RBM6: variants seen among roughly 807,000 people sequenced by gnomAD.
RBM6 encodes RNA binding motif protein 6.
Under a neutral mutation model 140.4 loss-of-function variants are expected in RBM6, and 23 were observed. That is an observed-to-expected ratio of 0.16 (90% CI 0.12 to 0.23). The LOEUF (loss-of-function observed/expected upper bound fraction) is 0.23. Among genes scored for constraint, RBM6 ranks in the 10% least tolerant of loss-of-function variants. The pLI, the probability that RBM6 is intolerant of heterozygous loss-of-function variation, is 1.00. For missense variants in RBM6, 1,139 were observed against 1,386.7 expected (o/e 0.82, Z 2.84); for synonymous variants, 439 against 475.6 (o/e 0.92, Z 1.00).
At chr3:50,028,808 T>C (rs949787558) in intron 6 of RBM6, among the ~76,000 whole-genome samples, 8 of 152,208 alleles carry the variant, frequency 5.3e-5, no homozygotes, top group South Asian at 4.1e-4. Flanking sequence ...TTAACACATA[T>C]TGCATAAAGT....
chr3:50,056,376 G>A (rs978459024), intron 8 of RBM6, among the ~76,000 whole-genome samples: 2 of 151,594 alleles, frequency 1.3e-5, no homozygotes, highest in African/African-American at 4.8e-5. Context: ...CTCACTGCAA[G>A]CTCTGCCTCC....
intron 17 of RBM6, among the ~76,000 whole-genome samples, 158 bp from the exon 18 acceptor site, chr3:50,068,532 C>T (rs923063206): frequency 6.6e-6 from 1 of 152,144 alleles, no homozygotes; most frequent in Non-Finnish European, 1.5e-5. Flanking sequence ...ATGACAAGAC[C>T]AGTTAGGGAT....
chr3:49,951,417 A>G (rs2083723908), intron 1 of RBM6, among the ~76,000 whole-genome samples: 1 of 151,712 alleles, frequency 6.6e-6, no homozygotes, highest in Non-Finnish European at 1.5e-5. Context: ...GTGTGGAGAC[A>G]AGGTTTTGCC....
At chr3:50,021,503 G>T (rs1326544802) in intron 6 of RBM6, among the ~76,000 whole-genome samples, 1 of 152,016 alleles carries the variant, frequency 6.6e-6, no homozygotes. Flanking sequence ...AGCTGGGTGT[G>T]GTGGCACACG....
intron 1 of RBM6, among the ~76,000 whole-genome samples, chr3:49,948,179 C>A (rs1361062035): frequency 6.6e-6 from 1 of 152,130 alleles, no homozygotes; most frequent in African/African-American, 2.4e-5. Flanking sequence ...TTATGTCTAT[C>A]TTTATGTCCT....
intron 2 of RBM6, among the ~76,000 whole-genome samples, chr3:49,965,990 G>A (rs1257235556): frequency 1.3e-5 from 2 of 152,120 alleles, no homozygotes; most frequent in Non-Finnish European, 2.9e-5. Flanking sequence ...GCTGGGCATG[G>A]TGGCGCATGC....
intron 5 of RBM6, among the ~76,000 whole-genome samples, chr3:49,993,567 G>A (rs11923132): frequency 0.07 from 10,633 of 152,100 alleles, 388 homozygotes; most frequent in Non-Finnish European, 0.077. Flanking sequence ...GCTTGAACCT[G>A]GTAGGCGGTA....
chr3:50,051,026 T>A (rs1400259341), intron 7 of RBM6, among the ~76,000 whole-genome samples: 7 of 151,900 alleles, frequency 4.6e-5, no homozygotes, highest in Admixed American at 4.6e-4. Flanking sequence ...TTCTTGAGAG[T>A]ATCCTTTCTA....
At chr3:50,061,584 T>TTTA (rs1553670222) in intron 14 of RBM6, 37 bp downstream of exon 14, 11 of 1,283,184 alleles carry the variant, frequency 8.6e-6, no homozygotes, top group Admixed American at 2.5e-5. Flanking sequence ...TTTTTTTTTT[T>TTTA]ACCTCTGTCA....
At chr3:50,017,938 G>A (rs1421989342) in intron 6 of RBM6, among the ~76,000 whole-genome samples, 1 of 152,100 alleles carries the variant, frequency 6.6e-6, no homozygotes, top group African/African-American at 2.4e-5. Context: ...AACAGTTCCT[G>A]TATAGTTATC....
intron 6 of RBM6, among the ~76,000 whole-genome samples, chr3:50,025,980 G>C (rs1327440232): frequency 1.3e-5 from 2 of 152,148 alleles, no homozygotes; most frequent in Non-Finnish European, 1.5e-5. Context: ...TGTAATCCCA[G>C]CTACTCAGGA....
At chr3:49,958,964 T>A (rs2084148325) in intron 1 of RBM6, among the ~76,000 whole-genome samples, 1 of 151,384 alleles carries the variant, frequency 6.6e-6, no homozygotes, top group South Asian at 2.1e-4. Flanking sequence ...CCTGGCTAAT[T>A]TTTGTATTTT....
At chr3:50,011,997 T>C (rs2086872368) in intron 6 of RBM6, among the ~76,000 whole-genome samples, 3 of 151,674 alleles carry the variant, frequency 2.0e-5, no homozygotes, top group African/African-American at 7.3e-5. Context: ...AACTATAAGT[T>C]GGAACCATCG....
chr3:50,008,269 T>C (rs2086677693), intron 6 of RBM6, among the ~76,000 whole-genome samples: 1 of 152,186 alleles, frequency 6.6e-6, no homozygotes, highest in Non-Finnish European at 1.5e-5. Context: ...CTACAATGGG[T>C]TTATAATTAT....
chr3:50,048,403 A>T (rs1326864218), intron 7 of RBM6, 84 bp downstream of exon 7: 2 of 1,542,168 alleles, frequency 1.3e-6, no homozygotes, highest in African/African-American at 2.7e-5. Flanking sequence ...GCCTGCTAAC[A>T]TGCATTCCCA....
intron 6 of RBM6, among the ~76,000 whole-genome samples, chr3:50,032,877 C>G (rs1359675013): frequency 6.6e-6 from 1 of 151,012 alleles, no homozygotes; most frequent in Admixed American, 6.6e-5. Flanking sequence ...TCCAGCTATT[C>G]GGGAGGCTGA....
chr3:49,957,613 T>C (rs1289312432), intron 1 of RBM6, among the ~76,000 whole-genome samples: 1 of 152,212 alleles, frequency 6.6e-6, no homozygotes, highest in Non-Finnish European at 1.5e-5. Context: ...TTCCATAGTA[T>C]ACAAATCTCT....
chr3:50,028,456 C>A (rs2087962383), intron 6 of RBM6, among the ~76,000 whole-genome samples: 1 of 152,130 alleles, frequency 6.6e-6, no homozygotes. Flanking sequence ...TCAACTGGCA[C>A]CCTTTAAGGC....
intron 1 of RBM6, among the ~76,000 whole-genome samples, chr3:49,944,767 C>T (rs1369465322): frequency 5.3e-5 from 8 of 152,002 alleles, no homozygotes; most frequent in African/African-American, 1.4e-4. Context: ...TCAGCCACCG[C>T]GCCCAGCCAC....
Sources: gnomAD v4.1 joint callset for allele counts (sites outside exome capture counted in the v4.1 genomes callset) on GRCh38, gnomAD v4.1.1 for gene constraint, MANE v1.5 for transcripts, NCBI Gene and HGNC (gene_info 2026-07-23, HGNC 2026-07-21) for gene names.